Variants in AGPS observed in about 807,000 individuals in gnomAD.
The protein encoded by AGPS is alkyldihydroxyacetonephosphate synthase, peroxisomal.
AGPS carries 26 observed loss-of-function variants against 90.7 expected under a neutral mutation model. The observed-to-expected ratio is 0.29, with a 90% CI of 0.21 to 0.40. The LOEUF is 0.40. Among genes scored for constraint, AGPS ranks in the 10% least tolerant of loss-of-function variants. The pLI, the probability that AGPS is intolerant of heterozygous loss-of-function variation, is 1.00. For synonymous variants in AGPS, 294 were observed against 285.3 expected, an observed-to-expected ratio of 1.03 and a Z score of -0.31; for missense variants, 540 against 816.1, an observed-to-expected ratio of 0.66 and a Z score of 4.12.
At chr2:177,484,110 G>A (rs1375181026) in intron 11 of AGPS, among the ~76,000 whole-genome samples, 1 of 151,620 alleles carries the variant, frequency 6.6e-6, no homozygotes, top group Non-Finnish European at 1.5e-5. Context: ...TTCTTAATGA[G>A]GAGCTTTTGA....
intron 8 of AGPS, among the ~76,000 whole-genome samples, chr2:177,461,588 G>A (rs1687293916): frequency 6.6e-6 from 1 of 152,130 alleles, no homozygotes; most frequent in Non-Finnish European, 1.5e-5. Context: ...AAAAAGTGGG[G>A]AAGGACAGCT....
At chr2:177,428,615 T>C (rs1314569051) in intron 2 of AGPS, among the ~76,000 whole-genome samples, 1 of 152,234 alleles carries the variant, frequency 6.6e-6, no homozygotes, top group Non-Finnish European at 1.5e-5. Context: ...GGTTGAAAAT[T>C]CTTTTCTTTA....
At chr2:177,537,902 G>T (rs1434132308) in intron 19 of AGPS, among the ~76,000 whole-genome samples, 172 bp from the exon 20 acceptor site, 1 of 151,944 alleles carries the variant, frequency 6.6e-6, no homozygotes, top group Non-Finnish European at 1.5e-5. Context: ...GAATACATTG[G>T]GCTTAATGAG....
At chr2:177,420,227 G>A in intron 1 of AGPS, 42 bp from the exon 2 acceptor site, 1 of 1,257,310 alleles carries the variant, frequency 8.0e-7, no homozygotes, top group Non-Finnish European at 1.2e-6. Context: ...GTTTTAAGAT[G>A]TTTAGCATTG....
At chr2:177,458,867 G>T (rs185334805) in intron 8 of AGPS, among the ~76,000 whole-genome samples, 5 of 152,262 alleles carry the variant, frequency 3.3e-5, no homozygotes, top group African/African-American at 9.6e-5. Flanking sequence ...ACGTAGCCAA[G>T]ACAATCCTGG....
At chr2:177,493,497 C>A (rs1483839123) in intron 12 of AGPS, among the ~76,000 whole-genome samples, 1 of 152,164 alleles carries the variant, frequency 6.6e-6, no homozygotes, top group Non-Finnish European at 1.5e-5. Flanking sequence ...TGAGCTAAAT[C>A]TTCAAAGGTG....
chr2:177,445,538 T>C lies in AGPS; in HGVS notation c.790-8T>C, dbSNP rs1686744448. On this transcript the variant is annotated splice_region_variant and splice_polypyrimidine_tract_variant and intron_variant, in intron 7 of 19. Transcript: ENST00000264167. ...TGGAGATCAGATTTCTTTCTTCCTT[T>C]GCAACAGAATCGAATTCTCTGGGTT... The C allele has an allele frequency of 6.2e-7, 1 of 1,611,334 alleles. No individual in the cohort carries two copies. The highest frequency in any genetic ancestry group is 1.3e-5 in the African/African-American group (1 of 74,982).
At chr2:177,511,786 C>T (rs543955853) in intron 16 of AGPS, among the ~76,000 whole-genome samples, 4 of 152,274 alleles carry the variant, frequency 2.6e-5, no homozygotes, top group African/African-American at 9.6e-5. Flanking sequence ...GAAACCTTTC[C>T]CTAAAAATCA....
At chr2:177,489,983 G>C (rs940535254) in intron 11 of AGPS, among the ~76,000 whole-genome samples, 3 of 152,078 alleles carry the variant, frequency 2.0e-5, no homozygotes, top group African/African-American at 7.2e-5. Flanking sequence ...AATAACATGG[G>C]AGTGAATTTA....
intron 19 of AGPS, among the ~76,000 whole-genome samples, chr2:177,534,812 T>C (rs988377791): frequency 2.5e-5 from 2 of 81,534 alleles, no homozygotes; most frequent in Admixed American, 1.5e-4. Context: ...TTACCCAGGC[T>C]GGTCTTGAAC....
At chr2:177,523,903 A>C in intron 19 of AGPS, 98 bp downstream of exon 19, 1 of 1,036,872 alleles carries the variant, frequency 9.6e-7, no homozygotes, top group Non-Finnish European at 1.5e-6. Context: ...ATAATATGAG[A>C]GTACTTGAGG....
At chr2:177,470,554 A>G (rs574482925) in intron 10 of AGPS, among the ~76,000 whole-genome samples, 48 of 151,824 alleles carry the variant, frequency 3.2e-4, no homozygotes, top group Non-Finnish European at 6.8e-4. Flanking sequence ...AAATACAAAA[A>G]TTAGTCGGGT....
intron 1 of AGPS, among the ~76,000 whole-genome samples, chr2:177,401,701 C>A (rs561641960): frequency 6.6e-6 from 1 of 152,208 alleles, no homozygotes; most frequent in Non-Finnish European, 1.5e-5. Flanking sequence ...CACAGCACCA[C>A]GCCTGGCTAA....
At chr2:177,479,300 A>G (rs961210124) in intron 10 of AGPS, among the ~76,000 whole-genome samples, 9 of 152,314 alleles carry the variant, frequency 5.9e-5, no homozygotes, top group Admixed American at 2.0e-4. Flanking sequence ...GCCCGGAGCT[A>G]CAGGGGAGCA....
At chr2:177,524,610 A>G (rs554376626) in intron 19 of AGPS, among the ~76,000 whole-genome samples, 11 of 152,140 alleles carry the variant, frequency 7.2e-5, no homozygotes, top group Non-Finnish European at 1.6e-4. Flanking sequence ...TAAAAATTCA[A>G]CTGCTCTGGA....
chr2:177,482,019 T>C (rs370696736), intron 10 of AGPS, 40 bp from the exon 11 acceptor site: 116 of 1,546,768 alleles, frequency 7.5e-5, no homozygotes, highest in Non-Finnish European at 9.6e-5. Context: ...TAGAAAATTG[T>C]CATGTGATGT....
At chr2:177,517,658 G>C (rs1327216817) in intron 17 of AGPS, among the ~76,000 whole-genome samples, 1 of 151,942 alleles carries the variant, frequency 6.6e-6, no homozygotes, top group South Asian at 2.1e-4. Flanking sequence ...TTCTAATTTT[G>C]GGGGAGGTGT....
intron 15 of AGPS, among the ~76,000 whole-genome samples, chr2:177,507,735 ACT>A (rs944187689): frequency 6.6e-6 from 1 of 152,224 alleles, no homozygotes; most frequent in Admixed American, 6.5e-5. Context: ...TGAGTCAGGC[ACT>A]CTGCCTGGTG....
chr2:177,435,281 C>T (rs1414578786), intron 3 of AGPS, among the ~76,000 whole-genome samples: 1 of 151,676 alleles, frequency 6.6e-6, no homozygotes, highest in African/African-American at 2.4e-5. Flanking sequence ...ATTTAAAAAT[C>T]CACAGTTATT....
Sources: gnomAD v4.1 joint callset for allele counts (sites outside exome capture counted in the v4.1 genomes callset) on GRCh38, gnomAD v4.1.1 for gene constraint, MANE v1.5 for transcripts, NCBI Gene and HGNC (gene_info 2026-07-23, HGNC 2026-07-21) for gene names.